The following RREB1 variants were observed in gnomAD, a reference collection of about 807,000 sequenced individuals.
RREB1 encodes ras-responsive element-binding protein 1.
A neutral mutation model predicts 117.8 loss-of-function variants in RREB1; 27 were observed. That is an observed-to-expected ratio of 0.23 (90% CI 0.17 to 0.32). The LOEUF is 0.32. Ranked by LOEUF, RREB1 falls within the 10% of genes least tolerant of loss-of-function variation. RREB1 has a pLI of 1.00. For synonymous variants in RREB1, 1,298 were observed against 1,026.7 expected (o/e 1.26, Z -5.05); for missense variants, 2,577 against 2,378.2 (o/e 1.08, Z -1.74).
chr6:7,123,076 T>C (rs1761745841), intron 1 of RREB1, among the ~76,000 whole-genome samples: 1 of 152,178 alleles, frequency 6.6e-6, no homozygotes, highest in Non-Finnish European at 1.5e-5. Context: ...TTCTCTAGGC[T>C]GTGGGGTATT....
chr6:7,226,064 A>G (rs1160036302), intron 8 of RREB1, among the ~76,000 whole-genome samples: 1 of 152,192 alleles, frequency 6.6e-6, no homozygotes, highest in African/African-American at 2.4e-5. Flanking sequence ...CTGACTTTTA[A>G]ACATTTACAA....
In RREB1 at chr6:7,246,628, A is replaced by G. The variant is rs1187439908; in HGVS notation, c.4178A>G (p.Glu1393Gly). ...GGGGAGAGCCATGAGCCGGAGGAGGAGCATGGCACTGAGGAGAGCACTGGG... is the reference window on the plus strand; with the variant it reads ...GGGGAGAGCCATGAGCCGGAGGAGGGGCATGGCACTGAGGAGAGCACTGGG... ...GRGESHEPEE[E>G]HGTEESTGDA... Residue 1393 changes from glutamate (E) to glycine (G), a missense_variant, in exon 12 of 13, where the codon GAG becomes GGG. Physicochemically the swap from Glu to Gly is moderately conservative, Grantham distance 98. Transcript: ENST00000379938. The G allele has an allele frequency of 1.3e-6, 2 of 1,569,362 alleles. No individual in the cohort carries two copies. The highest frequency in any genetic ancestry group is 1.2e-5 in the South Asian group (1 of 85,306).
intron 10 of RREB1, among the ~76,000 whole-genome samples, chr6:7,234,494 C>T (rs1303179181): frequency 6.6e-6 from 1 of 152,144 alleles, no homozygotes; most frequent in African/African-American, 2.4e-5. Flanking sequence ...GTCATGATTG[C>T]CTGGCTTTTG....
In RREB1 at chr6:7,230,669, A is replaced by G; in HGVS notation, c.2570A>G (p.Lys857Arg). 2.5e-6 allele frequency: 4 copies of G among 1,596,202 alleles called. No homozygotes were observed. Among genetic ancestry groups the G allele is most frequent in the Non-Finnish European group, 3.4e-6 (4 of 1,170,878 alleles). ...GGCTGCGCTGCCCTTGGTGACTGCA[A>G]GCCCCTCACTGCCTTCCTGGAACCC... is the stretch of plus-strand genomic sequence containing the variant. ...DSGCAALGDC[K>R]PLTAFLEPQN... The change falls in exon 10 of 13, where the codon AAG (lysine) becomes AGG (arginine). Residue 857 changes from lysine to arginine, a missense_variant. Transcript: ENST00000379938.
At chr6:7,145,366 A>G (rs983038218) in intron 1 of RREB1, among the ~76,000 whole-genome samples, 3 of 152,210 alleles carry the variant, frequency 2.0e-5, no homozygotes, top group Non-Finnish European at 4.4e-5. Context: ...TGTGTTGCTT[A>G]AAATGGCAAC....
At chr6:7,147,658 T>C (rs1561744605) in intron 1 of RREB1, among the ~76,000 whole-genome samples, 1 of 152,190 alleles carries the variant, frequency 6.6e-6, no homozygotes, top group Non-Finnish European at 1.5e-5. Flanking sequence ...TCAAGCTTCT[T>C]TGTTTGAGAA....
chr6:7,156,957 T>A (rs1242092309), intron 1 of RREB1, among the ~76,000 whole-genome samples: 4 of 152,116 alleles, frequency 2.6e-5, no homozygotes, highest in Non-Finnish European at 5.9e-5. Flanking sequence ...GAGCTGCCCC[T>A]CTGTTCAGCT....
chr6:7,119,723 C>A (rs1004189935), intron 1 of RREB1, among the ~76,000 whole-genome samples: 1 of 152,066 alleles, frequency 6.6e-6, no homozygotes, highest in African/African-American at 2.4e-5. Flanking sequence ...AAGTGTTAGG[C>A]CAGATTAGCA....
chr6:7,162,273 T>A (rs1253544975), intron 1 of RREB1, among the ~76,000 whole-genome samples: 40 of 142,100 alleles, frequency 2.8e-4, no homozygotes, highest in African/African-American at 9.5e-4. Context: ...CAGTTTACCC[T>A]AAAAAAAAAA....
intron 8 of RREB1, among the ~76,000 whole-genome samples, chr6:7,224,497 T>C (rs1411493620): frequency 1.3e-5 from 2 of 151,438 alleles, no homozygotes; most frequent in Non-Finnish European, 1.5e-5. Flanking sequence ...GAGGGTGCAA[T>C]TGAACTTGAG....
chr6:7,231,890 A>G lies in RREB1; in HGVS notation c.3791A>G (p.His1264Arg), dbSNP rs1278597771. 1 of 1,603,380 alleles carries G rather than the reference A, an allele frequency of 6.2e-7. No homozygotes were observed. Among genetic ancestry groups the G allele is most frequent in the East Asian group, 2.2e-5 (1 of 44,726 alleles). The change falls in exon 10 of 13, where the codon CAC (histidine) becomes CGC (arginine). Residue 1264 changes from histidine (H) to arginine (R), a missense_variant. Coordinates refer to ENST00000379938, the MANE Select transcript of RREB1 (RefSeq NM_001003699.4). ...VFPWASSLQR[H>R]MLTHTGQKPF... is the part of the protein sequence containing the mutation. ...CCTTGGGCCAGCTCCCTACAGAGGC[A>G]CATGCTCACACACACTGGTAAGAGG...
chr6:7,141,674 A>G (rs534420806), intron 1 of RREB1, among the ~76,000 whole-genome samples: 264 of 152,366 alleles, frequency 1.7e-3, no homozygotes, highest in Non-Finnish European at 2.8e-3. Context: ...GTAGCTCCAA[A>G]AACTTTTGTT....
chr6:7,147,277 T>C (rs1226225631), intron 1 of RREB1, among the ~76,000 whole-genome samples: 1 of 152,184 alleles, frequency 6.6e-6, no homozygotes, highest in Admixed American at 6.5e-5. Context: ...GAAAGAAATG[T>C]AGTTGTTTTT....
chr6:7,232,763 C>CTTTTT (rs59522749), intron 10 of RREB1, among the ~76,000 whole-genome samples: 1 of 136,968 alleles, frequency 7.3e-6, no homozygotes, highest in African/African-American at 2.7e-5. Context: ...TTTTCTTTTT[C>CTTTTT]TTTTTTTTTT....
chr6:7,120,240 C>T (rs1761615979), intron 1 of RREB1, among the ~76,000 whole-genome samples: 1 of 152,058 alleles, frequency 6.6e-6, no homozygotes, highest in South Asian at 2.1e-4. Context: ...CCCTTGAGGT[C>T]GGGAGTTTGA....
In RREB1 at chr6:7,147,229, C is replaced by T. The variant is rs1762909462; in HGVS notation, c.-284-29426C>T. ...TCATGGCAGCCGTTTTCCACTTGGC[C>T]GAGCTGGGTCTGTGAAGCAGAGAGG... On this transcript the variant is annotated intron_variant, in intron 1 of 12. Coordinates refer to ENST00000379938, the MANE Select transcript of RREB1 (RefSeq NM_001003699.4). Among the ~76,000 whole-genome samples the T allele has an allele frequency of 3.3e-5, 5 of 152,158 alleles. No homozygotes were observed. In the South Asian group the frequency reaches 1.0e-3, roughly 31 times the overall value.
intron 1 of RREB1, among the ~76,000 whole-genome samples, chr6:7,137,933 GTACCCAGTCTAACTGTT>G (rs1465781421): frequency 6.6e-6 from 1 of 152,020 alleles, no homozygotes; most frequent in East Asian, 1.9e-4. Context: ...TTTTTCAAGG[GTACCCAGTCTAACTGTT>G]TAGCTCCTTT....
rs143292439 is a variant in RREB1, at chr6:7,226,645, C to T, written c.886C>T (p.Arg296Cys). 4.7e-5 allele frequency: 76 copies of T among 1,613,642 alleles called. No individual in the cohort carries two copies. Among genetic ancestry groups the T allele is most frequent in the African/African-American group, 6.7e-5 (5 of 74,926 alleles). The change falls in exon 9 of 13, where the codon CGC becomes TGC. Residue 296 changes from arginine to cysteine, a missense_variant. Physicochemically the swap from Arg to Cys is radical, Grantham distance 180 (BLOSUM62 -3). Transcript: ENST00000379938. ...FTDFSCRKFPRISQAWCETNL... is the reference protein window; with the variant it reads ...FTDFSCRKFPCISQAWCETNL... ...GGACTTCTCCTGTAGGAAGTTTCCT[C>T]GCATTTCTCAGGTATTCTGATCAGC...
Position 7,230,808 on chromosome 6 carries a change from G to A in RREB1, c.2709G>A (p.Ser903=), listed in dbSNP as rs775391469. Reference sequence around the variant, plus strand: ...ACTTCAATGAGCCCCTGGACTTCTCGCAGAAGGGCCTGGCCCTGGTCCAAG... The same window carrying A: ...ACTTCAATGAGCCCCTGGACTTCTCACAGAAGGGCCTGGCCCTGGTCCAAG... ...AVDFNEPLDF[S]QKGLALVQVK... is the part of the protein sequence containing the mutation. Residue 903 remains serine, a synonymous_variant, in exon 10 of 13, where the codon TCG becomes TCA. Transcript: ENST00000379938. The A allele has an allele frequency of 4.3e-6, 7 of 1,614,066 alleles. No individual in the cohort carries two copies. The highest frequency in any genetic ancestry group is 1.3e-5 in the African/African-American group (1 of 74,944).
Sources: allele counts gnomAD v4.1 joint callset (sites outside exome capture counted in the v4.1 genomes callset), GRCh38; gene constraint gnomAD v4.1.1; transcripts MANE v1.5; gene names NCBI Gene and HGNC (gene_info 2026-07-23, HGNC 2026-07-21).